The following PCDHGB7 variants were observed in gnomAD, a reference collection of about 807,000 sequenced individuals.
PCDHGB7 encodes protocadherin gamma-B7.
PCDHGB7 carries 37 observed loss-of-function variants against 61.4 expected under a neutral mutation model. The ratio of observed to expected loss-of-function variants is 0.60; its 90% CI spans 0.46 to 0.79. The LOEUF is 0.79. PCDHGB7 is among the 30% of genes least tolerant of loss of function. The pLI is 0.00. For missense variants in PCDHGB7, 1,166 were observed against 1,202.5 expected (o/e 0.97, Z 0.45); for synonymous variants, 464 against 503.5 (o/e 0.92, Z 1.05).
intron 1 of PCDHGB7, among the ~76,000 whole-genome samples, chr5:141,457,293 T>A (rs2098916185): frequency 6.6e-6 from 1 of 152,226 alleles, no homozygotes; most frequent in Admixed American, 6.5e-5. Context: ...TTCCTTGGTT[T>A]TATTTTCCCA....
rs537850909 is a variant in PCDHGB7 at position 141,441,865 on chromosome 5, G to A, written c.2415+21591G>A. ...CTTGGATATGGTGCTGCACGCCGCG[G>A]AGCCTGGCTACCTGGTCACCAAGGT... On this transcript the variant is annotated intron_variant, in intron 1 of 3. Coordinates refer to ENST00000398594, the MANE Select transcript of PCDHGB7 (RefSeq NM_018927.4). The A allele has an allele frequency of 4.0e-4, 138 of 345,718 alleles. 1 individual carries two copies. The Admixed American group carries it at 4.6e-3, about 12-fold the overall frequency. The allele number at this position is 345,718 out of a possible 1,614,324, so 21.4% of individuals were successfully genotyped here. A position where few individuals can be genotyped will look rare whatever the true frequency, so the allele number is the denominator to read the frequency against.
At chr5:141,421,474 G>T (rs1320526226) in intron 1 of PCDHGB7, 3 of 1,614,014 alleles carry the variant, frequency 1.9e-6, no homozygotes, top group African/African-American at 2.7e-5. Flanking sequence ...TCCGCGAAGC[G>T]GCAGCTTGAT....
intron 1 of PCDHGB7, among the ~76,000 whole-genome samples, chr5:141,474,511 C>T (rs2099350824): frequency 6.6e-6 from 1 of 152,202 alleles, no homozygotes; most frequent in Non-Finnish European, 1.5e-5. Context: ...TATCAGCCCT[C>T]TTGCTGGTCT....
chr5:141,483,213 C>T (rs1343903817), intron 1 of PCDHGB7, among the ~76,000 whole-genome samples: 1 of 152,142 alleles, frequency 6.6e-6, no homozygotes, highest in Non-Finnish European at 1.5e-5. Flanking sequence ...ATATAGATGA[C>T]AGTCACTGCA....
At position 141,418,980 on chromosome 5, in the gene PCDHGB7, A is replaced by C. The variant is rs1219866791; in HGVS notation, c.1121A>C (p.Gln374Pro). 1.2e-6 allele frequency: 2 copies of C among 1,614,004 alleles called. No homozygotes were observed. The highest frequency in any genetic ancestry group is 1.7e-6 in the Non-Finnish European group (2 of 1,179,888). ...VVVALFKTRD[Q>P]DSGENGEVRC... ...GTTGCCCTCTTCAAAACACGGGACC[A>C]AGACTCAGGGGAAAATGGGGAAGTC... The change falls in exon 1 of 4, where the codon CAA (glutamine) becomes CCA (proline). Residue 374 changes from glutamine (Q) to proline (P), a missense_variant. Transcript: ENST00000398594.
chr5:141,478,724 G>T, intron 1 of PCDHGB7: 2 of 1,542,774 alleles, frequency 1.3e-6, no homozygotes, highest in Non-Finnish European at 1.8e-6. Context: ...TGGCCTGCCA[G>T]AGTGTGGTTT....
At position 141,489,644 on chromosome 5, in the gene PCDHGB7, C is replaced by T. The variant is rs1244782345; in HGVS notation, c.2416-5163C>T. 11 of 1,614,070 alleles carry T rather than the reference C, an allele frequency of 6.8e-6. No individual in the cohort carries two copies. The Admixed American group carries it at 1.8e-4, about 27-fold the overall frequency. ...AATGACAACTCTCCTAGCTTTGCCA[C>T]CCCTGAGCGAGAGATGCGCATCTCA... is the stretch of plus-strand genomic sequence containing the variant. On this transcript the variant is annotated intron_variant, in intron 1 of 3. Coordinates refer to ENST00000398594, the MANE Select transcript of PCDHGB7 (RefSeq NM_018927.4). The surrounding 1 kb of genome is among the most constrained non-coding windows in gnomAD (Gnocchi z 4.5).
chr5:141,503,221 C>T (rs528636727), intron 2 of PCDHGB7, among the ~76,000 whole-genome samples: 34 of 152,074 alleles, frequency 2.2e-4, no homozygotes, highest in Middle Eastern at 6.8e-3. Flanking sequence ...CCATGAGCAC[C>T]GTAAAGATGG....
At chr5:141,421,281 C>T in intron 1 of PCDHGB7, 2 of 1,612,970 alleles carry the variant, frequency 1.2e-6, no homozygotes, top group South Asian at 2.2e-5. Flanking sequence ...TGCTGCTGTG[C>T]ATTTTCCTGG....
intron 1 of PCDHGB7, among the ~76,000 whole-genome samples, chr5:141,454,795 A>G (rs79012896): frequency 9.1e-6 from 1 of 110,272 alleles, no homozygotes; most frequent in South Asian, 3.0e-4. Flanking sequence ...CCATGGTTCT[A>G]ATTTTTTTTT....
rs1049831420 is a variant in PCDHGB7 at position 141,486,549 on chromosome 5, C to T, written c.2416-8258C>T. ...AATCCACCCTCTTTCTTTCAGAGGTCACATGAGGTGTTTGTTCCTGAGAAC... is the reference window on the plus strand; with the variant it reads ...AATCCACCCTCTTTCTTTCAGAGGTTACATGAGGTGTTTGTTCCTGAGAAC... On this transcript the variant is annotated intron_variant, in intron 1 of 3. Coordinates refer to ENST00000398594, the MANE Select transcript of PCDHGB7 (RefSeq NM_018927.4). This position sits in a 1 kb window ranked among gnomAD's most constrained non-coding sequence, Gnocchi z 5.0. The T allele has an allele frequency of 3.1e-6, 5 of 1,613,982 alleles. No individual in the cohort carries two copies. In the African/African-American group the frequency reaches 4.0e-5, roughly 13 times the overall value.
chr5:141,465,881 G>T (rs1000308014), intron 1 of PCDHGB7, among the ~76,000 whole-genome samples: 1 of 151,960 alleles, frequency 6.6e-6, no homozygotes, highest in African/African-American at 2.4e-5. Flanking sequence ...CCAGCACTTT[G>T]GGAGGCCGAG....
chr5:141,476,977 C>T lies in PCDHGB7; in HGVS notation c.2416-17830C>T, dbSNP rs141692339. 3,083 of 1,614,232 alleles carry T rather than the reference C, an allele frequency of 1.9e-3. 52 individuals carry two copies. The African/African-American group carries it at 0.034, about 18-fold the overall frequency. Reference sequence around the variant, plus strand: ...TTATTTACTCCTTCGGCAGCCACAACCGCGCCGGCGTGCGGCAACTATTCG... The same window carrying T: ...TTATTTACTCCTTCGGCAGCCACAATCGCGCCGGCGTGCGGCAACTATTCG... On this transcript the variant is annotated intron_variant, in intron 1 of 3. Coordinates refer to ENST00000398594, the MANE Select transcript of PCDHGB7 (RefSeq NM_018927.4). This position sits in a 1 kb window ranked among gnomAD's most constrained non-coding sequence, Gnocchi z 7.6.
At chr5:141,510,674 GGCAT>G (rs1388331907) in intron 3 of PCDHGB7, among the ~76,000 whole-genome samples, 6 of 152,132 alleles carry the variant, frequency 3.9e-5, no homozygotes, top group Non-Finnish European at 8.8e-5. Flanking sequence ...AAACTGAAGT[GGCAT>G]AAGGAGGTTA....
chr5:141,489,165 G>T lies in PCDHGB7; in HGVS notation c.2416-5642G>T. ...GAAGGAGACATAAGAGACTTCAGCT[G>T]CTGCATTCCAAGCCCTGGGTCTACC... On this transcript the variant is annotated intron_variant, in intron 1 of 3. Coordinates refer to ENST00000398594, the MANE Select transcript of PCDHGB7 (RefSeq NM_018927.4). This position sits in a 1 kb window ranked among gnomAD's most constrained non-coding sequence, Gnocchi z 4.5. 9.2e-7 allele frequency: 1 copy of T among 1,082,084 alleles called. No homozygotes were observed. Among genetic ancestry groups the T allele is most frequent in the Non-Finnish European group, 1.3e-6 (1 of 745,856 alleles). 67.0% of individuals were successfully genotyped at this position (1,082,084 alleles called of 1,614,324 possible).
intron 1 of PCDHGB7, among the ~76,000 whole-genome samples, chr5:141,481,556 G>T (rs553126587): frequency 6.6e-6 from 1 of 152,148 alleles, no homozygotes; most frequent in African/African-American, 2.4e-5. Flanking sequence ...AGTGGCTCAC[G>T]CCTGTAATCC....
Position 141,485,548 on chromosome 5 carries a change from T to C in PCDHGB7, c.2416-9259T>C, listed in dbSNP as rs749739126. ...ACCGAGCAGAGGTAGAGATCGTAGA[T>C]GTGAATGATCACGCCCCCCGTTTTC... On this transcript the variant is annotated intron_variant, in intron 1 of 3. Transcript: ENST00000398594. This position sits in a 1 kb window ranked among gnomAD's most constrained non-coding sequence, Gnocchi z 5.7. The C allele has an allele frequency of 3.1e-6, 5 of 1,614,040 alleles. No homozygotes were observed. The highest frequency in any genetic ancestry group is 3.4e-6 in the Non-Finnish European group (4 of 1,179,942).
At chr5:141,467,352 C>A (rs2099142466) in intron 1 of PCDHGB7, among the ~76,000 whole-genome samples, 1 of 152,140 alleles carries the variant, frequency 6.6e-6, no homozygotes, top group South Asian at 2.1e-4. Context: ...TGCCCCCGGC[C>A]AAATCAACGT....
Position 141,485,428 on chromosome 5 carries a change from C to T in PCDHGB7, c.2416-9379C>T, listed in dbSNP as rs2099613200. Reference sequence around the variant, plus strand: ...TGGATTTGGACAGCGGAGCCCTGCTCATCAAGAACCCAATCGACCGAGAGG... The same window carrying T: ...TGGATTTGGACAGCGGAGCCCTGCTTATCAAGAACCCAATCGACCGAGAGG... On this transcript the variant is annotated intron_variant, in intron 1 of 3. Transcript: ENST00000398594. The surrounding 1 kb of genome is among the most constrained non-coding windows in gnomAD (Gnocchi z 5.7). The T allele has an allele frequency of 2.5e-6, 4 of 1,614,160 alleles. No homozygotes were observed. The highest frequency in any genetic ancestry group is 3.4e-6 in the Non-Finnish European group (4 of 1,180,022).
Sources: gnomAD v4.1 joint callset for allele counts (sites outside exome capture counted in the v4.1 genomes callset) on GRCh38, gnomAD v4.1.1 for gene constraint, Gnocchi (gnomAD v3.1) non-coding constraint, MANE v1.5 for transcripts, NCBI Gene and HGNC (gene_info 2026-07-23, HGNC 2026-07-21) for gene names.